CUL5: variants seen among roughly 807,000 people sequenced by gnomAD.
CUL5 encodes the protein cullin 5, also known as cullin-5.
Under a neutral mutation model 108.8 loss-of-function variants are expected in CUL5, and 26 were observed. The observed-to-expected ratio is 0.24, with a 90% CI of 0.18 to 0.33. CUL5 has a LOEUF of 0.33. CUL5 is among the 10% of genes least tolerant of loss of function. CUL5 has a pLI of 1.00. For synonymous variants in CUL5, 334 were observed against 298.0 expected (o/e 1.12, Z -1.25); for missense variants, 524 against 909.2 (o/e 0.58, Z 5.45).
At chr11:108,078,585 A>G (rs1198350160) in intron 11 of CUL5, among the ~76,000 whole-genome samples, 2 of 152,158 alleles carry the variant, frequency 1.3e-5, no homozygotes, top group African/African-American at 4.8e-5. Context: ...TTAAATGTAA[A>G]TTTTCCTATT....
chr11:108,083,620 T>G (rs1864151571), intron 11 of CUL5, among the ~76,000 whole-genome samples: 1 of 152,166 alleles, frequency 6.6e-6, no homozygotes, highest in African/African-American at 2.4e-5. Context: ...GTGAGACCCA[T>G]CTCTACAAAA....
rs540446546 is a variant in CUL5, at chr11:108,105,264, C to T, written c.*880C>T. On this transcript the variant is annotated 3_prime_UTR_variant, in exon 19 of 19. Coordinates refer to ENST00000393094, the MANE Select transcript of CUL5 (RefSeq NM_003478.6). ...TACTAACACACTTAATGTTTATATA[C>T]CTAATATTTATTATGCCATATCTGA... 1.3e-5 allele frequency: 2 copies of T among 152,008 alleles called. No individual in the cohort carries two copies. The highest frequency in any genetic ancestry group is 4.8e-5 in the African/African-American group (2 of 41,486). 9.4% of individuals were successfully genotyped at this position (152,008 alleles called of 1,614,324 possible).
chr11:108,022,065 G>A (rs1440581524), intron 1 of CUL5, among the ~76,000 whole-genome samples: 1 of 151,710 alleles, frequency 6.6e-6, no homozygotes, highest in Non-Finnish European at 1.5e-5. Flanking sequence ...GGCTGGTCTT[G>A]AAATCCTAGC....
intron 2 of CUL5, among the ~76,000 whole-genome samples, chr11:108,039,671 A>G (rs1448777977): frequency 1.3e-5 from 2 of 152,196 alleles, no homozygotes; most frequent in Admixed American, 1.3e-4. Flanking sequence ...GTTTCCATCT[A>G]TGAATTTGCT....
chr11:108,038,191 A>G (rs977219317), intron 2 of CUL5, among the ~76,000 whole-genome samples: 1 of 151,794 alleles, frequency 6.6e-6, no homozygotes, highest in Non-Finnish European at 1.5e-5. Context: ...TTTATGAATG[A>G]TATGTTGGGT....
intron 1 of CUL5, among the ~76,000 whole-genome samples, chr11:108,027,847 A>T (rs1196154348): frequency 6.6e-6 from 1 of 152,160 alleles, no homozygotes; most frequent in Non-Finnish European, 1.5e-5. Flanking sequence ...CTGTCAGGAG[A>T]AATTCTTAAA....
At position 108,107,568 on chromosome 11, in the gene CUL5, ATCTATCCTCAT is replaced by A. The variant is rs1423356540; in HGVS notation, c.*3185_*3195del. On this transcript the variant is annotated 3_prime_UTR_variant, in exon 19 of 19. Coordinates refer to ENST00000393094, the MANE Select transcript of CUL5 (RefSeq NM_003478.6). The stretch of plus-strand genomic sequence containing the variant: ...AATTTATTTTAGTTTCTAAGTTGTA[ATCTATCCTCAT>A]ATGGTCTATACGATTTTGAATGTGT... 4 of 152,624 alleles carry A rather than the reference ATCTATCCTCAT, an allele frequency of 2.6e-5. No individual in the cohort carries two copies. The highest frequency in any genetic ancestry group is 5.9e-5 in the Non-Finnish European group (4 of 68,026). The allele number at this position is 152,624 out of a possible 1,614,324, so 9.5% of individuals were successfully genotyped here. A position where few individuals can be genotyped will look rare whatever the true frequency, so the allele number is the denominator to read the frequency against.
chr11:108,011,311 A>G (rs1862052036), intron 1 of CUL5, among the ~76,000 whole-genome samples: 2 of 152,306 alleles, frequency 1.3e-5, no homozygotes, highest in African/African-American at 2.4e-5. Context: ...CATATTAGTT[A>G]AGTACTTACC....
In CUL5 at chr11:108,095,514, G is replaced by C. The variant is rs1321091303; in HGVS notation, c.1744-16G>C. On this transcript the variant is annotated splice_polypyrimidine_tract_variant and intron_variant, in intron 15 of 18. Coordinates refer to ENST00000393094, the MANE Select transcript of CUL5 (RefSeq NM_003478.6). ...TCATGAGATTCTTTATTAAAAATCTGTTTTATCTATTATAGATAACATTTA... is the reference window on the plus strand; with the variant it reads ...TCATGAGATTCTTTATTAAAAATCTCTTTTATCTATTATAGATAACATTTA... The C allele has an allele frequency of 6.7e-7, 1 of 1,494,804 alleles. No individual in the cohort carries two copies. Among genetic ancestry groups the C allele is most frequent in the Non-Finnish European group, 9.2e-7 (1 of 1,091,980 alleles). The allele number at this position is 1,494,804 out of a possible 1,614,324, so 92.6% of individuals were successfully genotyped here.
intron 10 of CUL5, among the ~76,000 whole-genome samples, chr11:108,075,647 C>T (rs143356961): frequency 3.0e-3 from 456 of 152,238 alleles, no homozygotes; most frequent in African/African-American, 0.011. Flanking sequence ...GCAATCCTCC[C>T]GCCTCAGCCA....
rs186842638 is a variant in CUL5, at chr11:108,029,276, G to C, written c.25-4526G>C. ...TCCCCACGGCCCATTTGTGTGAGAA[G>C]AAGAGTGCCTGTGAAGGGATTAGTT... On this transcript the variant is annotated intron_variant, in intron 1 of 18. Transcript: ENST00000393094. Among the ~76,000 whole-genome samples the C allele has an allele frequency of 1.5e-3, 227 of 152,280 alleles. 2 individuals carry two copies. The highest frequency in any genetic ancestry group is 3.4e-3 in the Middle Eastern group (1 of 294).
intron 18 of CUL5, among the ~76,000 whole-genome samples, chr11:108,102,619 C>T (rs1864700462): frequency 6.6e-6 from 1 of 152,116 alleles, no homozygotes; most frequent in Non-Finnish European, 1.5e-5. Flanking sequence ...GCATGAGCCA[C>T]CCTCCCTGGC....
At chr11:108,013,530 T>C (rs1862106339) in intron 1 of CUL5, among the ~76,000 whole-genome samples, 2 of 152,192 alleles carry the variant, frequency 1.3e-5, no homozygotes, top group Admixed American at 1.3e-4. Flanking sequence ...CCTACTTAGC[T>C]GGTTACTTGT....
At chr11:108,097,029 T>C (rs914557967) in intron 16 of CUL5, among the ~76,000 whole-genome samples, 8 of 152,128 alleles carry the variant, frequency 5.3e-5, no homozygotes, top group African/African-American at 1.9e-4. Flanking sequence ...TTCCAGGTTT[T>C]TTTGTTGAGA....
chr11:108,097,853 A>G (rs1223268991), intron 17 of CUL5, 99 bp downstream of exon 17: 1 of 651,778 alleles, frequency 1.5e-6, no homozygotes, highest in Non-Finnish European at 2.7e-6. Flanking sequence ...TATTTAAAAC[A>G]TTATATACTG....
chr11:108,027,895 T>C lies in CUL5; in HGVS notation c.25-5907T>C, dbSNP rs536375741. ...GTCTTTCTGACACACTTTATTTACT[T>C]TTTGTCCAGAATACCATACTCTTGG... On this transcript the variant is annotated intron_variant, in intron 1 of 18. Coordinates refer to ENST00000393094, the MANE Select transcript of CUL5 (RefSeq NM_003478.6). 2.0e-5 allele frequency among the ~76,000 whole-genome samples: 3 copies of C among 152,318 alleles called. No homozygotes were observed. The East Asian group carries it at 5.8e-4, about 29-fold the overall frequency.
intron 11 of CUL5, among the ~76,000 whole-genome samples, chr11:108,086,004 G>A (rs952144217): frequency 1.3e-4 from 20 of 152,274 alleles, no homozygotes; most frequent in African/African-American, 3.6e-4. Flanking sequence ...AAATAGCAAT[G>A]AAGATATAAT....
chr11:108,052,861 G>A, intron 5 of CUL5, 60 bp downstream of exon 5: 1 of 1,419,662 alleles, frequency 7.0e-7, no homozygotes, highest in African/African-American at 1.4e-5. Context: ...GAACAATTAT[G>A]GAATAGCACA....
intron 1 of CUL5, among the ~76,000 whole-genome samples, chr11:108,015,843 AT>A (rs2135038626): frequency 6.6e-6 from 1 of 152,314 alleles, no homozygotes; most frequent in Admixed American, 6.5e-5. Flanking sequence ...TTTTCAGTAG[AT>A]TAGAGGAGGG....
Sources: allele counts gnomAD v4.1 joint callset (sites outside exome capture counted in the v4.1 genomes callset), GRCh38; gene constraint gnomAD v4.1.1; transcripts MANE v1.5; gene names NCBI Gene and HGNC (gene_info 2026-07-23, HGNC 2026-07-21).